The following GRIK1 variants were observed in gnomAD, a reference collection of about 807,000 sequenced individuals.
GRIK1 encodes glutamate receptor ionotropic, kainate 1.
In GRIK1, 69 loss-of-function variants were observed where a neutral mutation model predicts 105.7. The ratio of observed to expected loss-of-function variants is 0.65; its 90% CI spans 0.54 to 0.80. GRIK1 has a LOEUF of 0.80. GRIK1 is among the 30% of genes least tolerant of loss of function. The pLI is 0.00. For missense variants in GRIK1, 1,109 were observed against 1,167.3 expected (o/e 0.95, Z 0.73); for synonymous variants, 438 against 431.3 (o/e 1.02, Z -0.19).
At chr21:29,894,225 C>T (rs367790521) in intron 1 of GRIK1, among the ~76,000 whole-genome samples, 63 of 152,112 alleles carry the variant, frequency 4.1e-4, no homozygotes, top group African/African-American at 1.4e-3. Flanking sequence ...TAAAGTCCCA[C>T]GAGAGACCAT....
chr21:29,870,724 C>G (rs2146133279), intron 1 of GRIK1, among the ~76,000 whole-genome samples: 1 of 152,090 alleles, frequency 6.6e-6, no homozygotes, highest in South Asian at 2.1e-4. Context: ...TAGCTTTTTC[C>G]TAAATCCAGT....
intron 12 of GRIK1, among the ~76,000 whole-genome samples, chr21:29,584,755 T>C (rs1017698927): frequency 2.0e-5 from 3 of 152,222 alleles, no homozygotes; most frequent in Non-Finnish European, 4.4e-5. Context: ...GTTTTTCATG[T>C]CCACTTCCCT....
chr21:29,859,378 A>G (rs1039749693), intron 1 of GRIK1, among the ~76,000 whole-genome samples: 1 of 148,692 alleles, frequency 6.7e-6, no homozygotes, highest in Non-Finnish European at 1.5e-5. Context: ...GTATATATAT[A>G]TAAAATAAAA....
chr21:29,806,040 A>G (rs1433184623), intron 1 of GRIK1, among the ~76,000 whole-genome samples: 2 of 152,190 alleles, frequency 1.3e-5, no homozygotes, highest in Non-Finnish European at 2.9e-5. Context: ...AAATTTTATA[A>G]TAATCTAGAG....
intron 1 of GRIK1, among the ~76,000 whole-genome samples, chr21:29,845,216 C>T (rs2146019614): frequency 6.6e-6 from 1 of 150,818 alleles, no homozygotes; most frequent in South Asian, 2.1e-4. Context: ...ATTATTTTTT[C>T]TCCTTTATTT....
In GRIK1 at chr21:29,787,644, C is replaced by A. The variant is rs1286901217; in HGVS notation, c.119-93581G>T. 2.6e-5 allele frequency among the ~76,000 whole-genome samples: 4 copies of A among 152,182 alleles called. No homozygotes were observed. The East Asian group carries it at 7.7e-4, about 29-fold the overall frequency. ...CTAATATAATTAATTACTATTTCCT[C>A]CTTTTGGATTTTCCAACGAACAGTA... On this transcript the variant is annotated intron_variant, in intron 1 of 17. Coordinates refer to ENST00000327783, the MANE Select transcript of GRIK1 (RefSeq NM_001330994.2).
intron 1 of GRIK1, among the ~76,000 whole-genome samples, chr21:29,762,202 A>G (rs1429751386): frequency 1.3e-5 from 2 of 152,208 alleles, no homozygotes; most frequent in Non-Finnish European, 2.9e-5. Context: ...TAGTTAACAG[A>G]TATTCTGTCT....
intron 7 of GRIK1, among the ~76,000 whole-genome samples, chr21:29,637,880 T>C (rs1056329493): frequency 6.6e-6 from 1 of 152,208 alleles, no homozygotes; most frequent in African/African-American, 2.4e-5. Flanking sequence ...AAAGTCCTCA[T>C]TTCCTGGCTT....
chr21:29,718,150 C>G (rs547771905), intron 1 of GRIK1, among the ~76,000 whole-genome samples: 1 of 152,162 alleles, frequency 6.6e-6, no homozygotes, highest in Non-Finnish European at 1.5e-5. Context: ...TCAATTAAAT[C>G]TCTTTTTTAT....
intron 15 of GRIK1, among the ~76,000 whole-genome samples, chr21:29,557,146 G>C (rs1601100896): frequency 6.6e-6 from 1 of 152,160 alleles, no homozygotes; most frequent in South Asian, 2.1e-4. Flanking sequence ...GGCAAAGTAA[G>C]ATTCTTTCAA....
chr21:29,570,804 A>G (rs1442266456), intron 14 of GRIK1, among the ~76,000 whole-genome samples: 3 of 150,960 alleles, frequency 2.0e-5, no homozygotes, highest in African/African-American at 7.3e-5. Context: ...CATAAGCCTT[A>G]ATAAGCATCA....
intron 1 of GRIK1, among the ~76,000 whole-genome samples, chr21:29,842,788 T>C (rs1442855617): frequency 2.0e-5 from 3 of 152,216 alleles, no homozygotes; most frequent in Non-Finnish European, 2.9e-5. Flanking sequence ...TCTTAATATG[T>C]TGGCATTCAA....
intron 16 of GRIK1, among the ~76,000 whole-genome samples, chr21:29,549,157 C>G (rs1792860610): frequency 6.6e-6 from 1 of 152,170 alleles, no homozygotes; most frequent in African/African-American, 2.4e-5. Context: ...CCTCCCTGCT[C>G]TCTGCTAAGC....
At chr21:29,605,909 A>C (rs1284807216) in intron 7 of GRIK1, among the ~76,000 whole-genome samples, 1 of 152,098 alleles carries the variant, frequency 6.6e-6, no homozygotes, top group African/African-American at 2.4e-5. Context: ...TGGAAGGCTC[A>C]TGGCAAACTC....
At chr21:29,812,791 T>G (rs2067046075) in intron 1 of GRIK1, among the ~76,000 whole-genome samples, 1 of 152,164 alleles carries the variant, frequency 6.6e-6, no homozygotes, top group Admixed American at 6.6e-5. Context: ...CCCTTGTGTC[T>G]CATTAAAAGG....
intron 1 of GRIK1, among the ~76,000 whole-genome samples, chr21:29,733,080 T>C (rs1391785103): frequency 6.6e-6 from 1 of 152,180 alleles, no homozygotes; most frequent in African/African-American, 2.4e-5. Context: ...CTGAGGGAGA[T>C]GCTTTTGCAG....
At chr21:29,802,617 T>C (rs2066742987) in intron 1 of GRIK1, among the ~76,000 whole-genome samples, 1 of 152,178 alleles carries the variant, frequency 6.6e-6, no homozygotes, top group Non-Finnish European at 1.5e-5. Flanking sequence ...GCTTCTAAGA[T>C]GATCTCTGTA....
intron 1 of GRIK1, among the ~76,000 whole-genome samples, chr21:29,750,912 G>T (rs939856927): frequency 6.6e-6 from 1 of 152,180 alleles, no homozygotes; most frequent in Admixed American, 6.5e-5. Context: ...GGGTGCAGGC[G>T]GACTGAGTCC....
At chr21:29,705,473 G>A (rs766702152) in intron 1 of GRIK1, among the ~76,000 whole-genome samples, 3 of 152,272 alleles carry the variant, frequency 2.0e-5, no homozygotes, top group Admixed American at 6.5e-5. Context: ...CCTTGTAACC[G>A]TGACATGCAG....
Sources: gnomAD v4.1 joint callset for allele counts (sites outside exome capture counted in the v4.1 genomes callset) on GRCh38, gnomAD v4.1.1 for gene constraint, MANE v1.5 for transcripts, NCBI Gene and HGNC (gene_info 2026-07-23, HGNC 2026-07-21) for gene names.